Variants in PROM2 observed in about 807,000 individuals in gnomAD.
PROM2 encodes the protein prominin-2.
In PROM2, 90 loss-of-function variants were observed where a neutral mutation model predicts 110.2. That is an observed-to-expected ratio of 0.82 (90% confidence interval 0.69 to 0.97). PROM2 has a LOEUF of 0.97. Among genes scored for constraint, PROM2 ranks in the 50% least tolerant of loss-of-function variants. The probability of loss-of-function intolerance (pLI) is 0.00; values close to 1 mark genes in which losing one functional copy is unlikely to be tolerated. For missense variants in PROM2, 1,009 were observed against 1,074.8 expected (o/e 0.94, Z 0.86); for synonymous variants, 470 against 467.8 (o/e 1.00, Z -0.06).
chr2:95,278,642 A>C, intron 8 of PROM2, 79 bp from the exon 9 acceptor site: 1 of 1,537,884 alleles, frequency 6.5e-7, no homozygotes, highest in East Asian at 2.2e-5. Context: ...CCCTCCCTCT[A>C]GGCCTGGTGA....
chr2:95,286,605 G>A, intron 17 of PROM2, 34 bp downstream of exon 17: 2 of 1,579,436 alleles, frequency 1.3e-6, no homozygotes, highest in Non-Finnish European at 1.7e-6. Context: ...CTGGGGCCTG[G>A]GGGAGGGGAG....
At chr2:95,277,108 C>T in intron 6 of PROM2, 47 bp downstream of exon 6, 3 of 1,496,628 alleles carry the variant, frequency 2.0e-6, no homozygotes, top group East Asian at 2.5e-5. Context: ...AGCGGGTGTC[C>T]TCCTGGGGCG....
At position 95,275,974 on chromosome 2, in the gene PROM2, G is replaced by A. The variant is rs140405781; in HGVS notation, c.339G>A (p.Ala113=). The change falls in exon 3 of 24, where the codon GCG becomes GCA. Residue 113 remains alanine (A), a synonymous_variant. Coordinates refer to ENST00000317620, the MANE Select transcript of PROM2 (RefSeq NM_001165978.3). This position sits in a 1 kb window ranked among gnomAD's most constrained non-coding sequence, Gnocchi z 4.4. The stretch of plus-strand genomic sequence containing the variant: ...GCTACGTGGTATGCGCTGTGATCGC[G>A]GGCCTCTACCTGCTGCTGGTGCCCA... The part of the protein sequence containing the change: ...EAGYVVCAVI[A]GLYLLLVPTA... 8.1e-5 allele frequency: 130 copies of A among 1,612,128 alleles called. No individual in the cohort carries two copies. The highest frequency in any genetic ancestry group is 9.8e-5 in the Non-Finnish European group (116 of 1,179,806).
intron 8 of PROM2, 196 bp downstream of exon 8, chr2:95,278,200 C>G (rs1488708875): frequency 3.3e-6 from 2 of 604,036 alleles, no homozygotes; most frequent in East Asian, 5.5e-5. Flanking sequence ...CTGGGCCCTT[C>G]AAGGCGGCAG....
At chr2:95,282,037 G>C in intron 13 of PROM2, 21 bp downstream of exon 13, 2 of 1,613,368 alleles carry the variant, frequency 1.2e-6, no homozygotes, top group South Asian at 1.1e-5. Flanking sequence ...AGCCTGGGCA[G>C]AGCTGGGACC....
Position 95,287,476 on chromosome 2 carries a change from C to T in PROM2, c.2244+12C>T, listed in dbSNP as rs1677438374. On this transcript the variant is annotated intron_variant, in intron 20 of 23. Coordinates refer to ENST00000317620, the MANE Select transcript of PROM2 (RefSeq NM_001165978.3). ...GGGTGAGAGAGGAGGTGAGTGGGGCCTCAGAAGCAATGACTGATTCCCTGC... is the reference window on the plus strand; with the variant it reads ...GGGTGAGAGAGGAGGTGAGTGGGGCTTCAGAAGCAATGACTGATTCCCTGC... 1 of 1,612,688 alleles carries T rather than the reference C, an allele frequency of 6.2e-7. No homozygotes were observed. The highest frequency in any genetic ancestry group is 8.5e-7 in the Non-Finnish European group (1 of 1,179,034).
At chr2:95,282,924 GC>G (rs1677133627) in intron 14 of PROM2, among the ~76,000 whole-genome samples, 1 of 151,930 alleles carries the variant, frequency 6.6e-6, no homozygotes, top group Non-Finnish European at 1.5e-5. Flanking sequence ...GGTTCCCCTC[GC>G]CCTCCCCAAA....
At position 95,288,273 on chromosome 2, in the gene PROM2, C is replaced by A. The variant is rs972317018; in HGVS notation, c.2307C>A (p.Ile769=). ...GAGCCCTGGACAACAGCCGTGTGATCCTGTGTGACATGATGGCTGACCCCT... is the reference window on the plus strand; with the variant it reads ...GAGCCCTGGACAACAGCCGTGTGATACTGTGTGACATGATGGCTGACCCCT... ...LSGALDNSRV[I]LCDMMADPWN... Residue 769 remains isoleucine, a synonymous_variant, in exon 21 of 24, where the codon ATC becomes ATA. Coordinates refer to ENST00000317620, the MANE Select transcript of PROM2 (RefSeq NM_001165978.3). The A allele has an allele frequency of 6.2e-7, 1 of 1,613,988 alleles. No individual in the cohort carries two copies. The highest frequency in any genetic ancestry group is 1.3e-5 in the African/African-American group (1 of 74,924).
Position 95,286,553 on chromosome 2 carries a change from C to A in PROM2, c.2022C>A (p.Val674=), listed in dbSNP as rs1175923315. Residue 674 remains valine, a synonymous_variant, in exon 17 of 24, where the codon GTC becomes GTA. Transcript: ENST00000317620. ...GLRNLHQEKV[V]PQQSLVAKLN... is the part of the protein sequence containing the mutation. ...GAAACCTTCACCAGGAGAAGGTCGT[C>A]CCCCAGCAGAGCCTTGTGGTCAGTT... The A allele has an allele frequency of 2.5e-6, 4 of 1,613,370 alleles. No homozygotes were observed. The highest frequency in any genetic ancestry group is 3.4e-6 in the Non-Finnish European group (4 of 1,179,876).
At chr2:95,286,937 G>A in intron 18 of PROM2, 80 bp downstream of exon 18, 1 of 1,491,068 alleles carries the variant, frequency 6.7e-7, no homozygotes, top group Non-Finnish European at 9.3e-7. Flanking sequence ...ATCTCACTCT[G>A]CACCTCAGAG....
chr2:95,284,064 C>G (rs1428810960), intron 14 of PROM2, among the ~76,000 whole-genome samples: 1 of 152,214 alleles, frequency 6.6e-6, no homozygotes, highest in Non-Finnish European at 1.5e-5. Flanking sequence ...TGCCCAGAAG[C>G]CAGATGGGCA....
chr2:95,287,922 CAT>C (rs1259827507), intron 20 of PROM2, among the ~76,000 whole-genome samples: 24 of 152,298 alleles, frequency 1.6e-4, no homozygotes, highest in African/African-American at 4.3e-4. Flanking sequence ...CATGCACACA[CAT>C]GTGTGCTTTC....
Position 95,287,176 on chromosome 2 carries a change from G to A in PROM2, c.2138G>A (p.Gly713Glu). ...CTAGCCAATGTCACCTACCTGAAAG[G>A]AGAGCTGCCTGCCTGGGCAGCCAGG... ...DVLANVTYLKGELPAWAARIL... is the reference protein window; with the variant it reads ...DVLANVTYLKEELPAWAARIL... The change falls in exon 19 of 24, where the codon GGA becomes GAA. Residue 713 changes from glycine (G) to glutamate (E), a missense_variant. Gly to Glu is a moderately conservative substitution (Grantham distance 98). Coordinates refer to ENST00000317620, the MANE Select transcript of PROM2 (RefSeq NM_001165978.3). The A allele has an allele frequency of 6.2e-7, 1 of 1,614,012 alleles. No individual in the cohort carries two copies. Among genetic ancestry groups the A allele is most frequent in the Non-Finnish European group, 8.5e-7 (1 of 1,180,010 alleles).
At chr2:95,287,572 C>A in intron 20 of PROM2, 108 bp downstream of exon 20, 1 of 1,115,392 alleles carries the variant, frequency 9.0e-7, no homozygotes, top group Non-Finnish European at 1.3e-6. Flanking sequence ...GTGACCCAGG[C>A]CTTCAGGATC....
At position 95,275,012 on chromosome 2, in the gene PROM2, T is replaced by C; in HGVS notation, c.244+183T>C. 1 of 677,432 alleles carries C rather than the reference T, an allele frequency of 1.5e-6. No homozygotes were observed. The highest frequency in any genetic ancestry group is 2.3e-6 in the Non-Finnish European group (1 of 434,982). 42.0% of individuals were successfully genotyped at this position (677,432 alleles called of 1,614,324 possible). ...CTGTGTGACTGTGGGTAAGCCTCAC[T>C]TCCTCTCTGAGCCTCAGGTGCTCTG... On this transcript the variant is annotated intron_variant, in intron 1 of 23. Coordinates refer to ENST00000317620, the MANE Select transcript of PROM2 (RefSeq NM_001165978.3). The surrounding 1 kb of genome is among the most constrained non-coding windows in gnomAD (Gnocchi z 4.4).
At chr2:95,287,043 C>A in intron 18 of PROM2, 90 bp from the exon 19 acceptor site, 1 of 1,356,872 alleles carries the variant, frequency 7.4e-7, no homozygotes, top group East Asian at 2.3e-5. Context: ...GAGCTGAACC[C>A]TCTCCTGCTG....
At chr2:95,274,955 G>A (rs1441453479) in intron 1 of PROM2, 126 bp downstream of exon 1, 1 of 1,309,228 alleles carries the variant, frequency 7.6e-7, no homozygotes, top group African/African-American at 1.5e-5. Context: ...TGGGGTAGAA[G>A]GCGGAGGATC....
chr2:95,288,278 G>A lies in PROM2; in HGVS notation c.2312G>A (p.Cys771Tyr). Reference protein sequence around the residue: ...GALDNSRVILCDMMADPWNAF... With the variant: ...GALDNSRVILYDMMADPWNAF... The stretch of plus-strand genomic sequence containing the variant: ...CTGGACAACAGCCGTGTGATCCTGT[G>A]TGACATGATGGCTGACCCCTGGGTG... The change falls in exon 21 of 24, where the codon TGT becomes TAT. Residue 771 changes from cysteine (C) to tyrosine (Y), a missense_variant. Cys to Tyr is a radical substitution (Grantham distance 194). Transcript: ENST00000317620. 6.2e-7 allele frequency: 1 copy of A among 1,614,132 alleles called. No homozygotes were observed. The highest frequency in any genetic ancestry group is 8.5e-7 in the Non-Finnish European group (1 of 1,180,032).
Position 95,281,454 on chromosome 2 carries a change from C to T in PROM2, c.1551+89C>T, listed in dbSNP as rs1273935716. 15 of 115,884 alleles carry T rather than the reference C, an allele frequency of 1.3e-4. 1 individual carries two copies. In the East Asian group the frequency reaches 2.1e-3, roughly 16 times the overall value. 7.2% of individuals were successfully genotyped at this position (115,884 alleles called of 1,614,324 possible). On this transcript the variant is annotated intron_variant, in intron 12 of 23. Coordinates refer to ENST00000317620, the MANE Select transcript of PROM2 (RefSeq NM_001165978.3). ...AGGAGGGTTGGGGGAAAGTGGGGGTCGGGGGGTAAAAGGGAGAGAGGGAGG... is the reference window on the plus strand; with the variant it reads ...AGGAGGGTTGGGGGAAAGTGGGGGTTGGGGGGTAAAAGGGAGAGAGGGAGG...
Sources: allele counts gnomAD v4.1 joint callset (sites outside exome capture counted in the v4.1 genomes callset), GRCh38; gene constraint gnomAD v4.1.1; non-coding constraint Gnocchi (gnomAD v3.1); transcripts MANE v1.5; gene names NCBI Gene and HGNC (gene_info 2026-07-23, HGNC 2026-07-21).